The following KNDC1 variants were observed in gnomAD, a reference collection of about 807,000 sequenced individuals.
KNDC1 encodes the protein kinase non-catalytic C-lobe domain containing 1.
In KNDC1, 106 loss-of-function variants were observed where a neutral mutation model predicts 172.8. The observed-to-expected ratio is 0.61, with a 90% CI of 0.52 to 0.72. The LOEUF is 0.72. KNDC1 is among the 30% of genes least tolerant of loss of function. The pLI, the probability that KNDC1 is intolerant of heterozygous loss-of-function variation, is 0.00. For synonymous variants in KNDC1, 1,083 were observed against 1,062.2 expected (o/e 1.02, Z -0.38); for missense variants, 2,325 against 2,394.5 (o/e 0.97, Z 0.61).
chr10:133,199,741 T>A, intron 15 of KNDC1, 139 bp downstream of exon 15: 2 of 960,526 alleles, frequency 2.1e-6, no homozygotes, highest in African/African-American at 1.6e-5. Context: ...GGGGCTACCC[T>A]TGGTGGAGAT....
At chr10:133,201,400 G>A in intron 16 of KNDC1, 101 bp from the exon 17 acceptor site, 1 of 1,297,292 alleles carries the variant, frequency 7.7e-7, no homozygotes, top group Non-Finnish European at 1.1e-6. Context: ...AAGAGAGAAG[G>A]GCGTCGGGTG....
At position 133,209,865 on chromosome 10, in the gene KNDC1, G is replaced by A. The variant is rs955578252; in HGVS notation, c.3795-746G>A. ...TGGGAGGAGGCCTTGCCAGGCCTCC[G>A]CTTCCTGACCGTGGCCGTCGGGCTC... On this transcript the variant is annotated intron_variant, in intron 20 of 29. Coordinates refer to ENST00000304613, the MANE Select transcript of KNDC1 (RefSeq NM_152643.8). This position sits in a 1 kb window ranked among gnomAD's most constrained non-coding sequence, Gnocchi z 4.9. 6.6e-5 allele frequency among the ~76,000 whole-genome samples: 10 copies of A among 152,030 alleles called. No homozygotes were observed. The highest frequency in any genetic ancestry group is 2.1e-4 in the South Asian group (1 of 4,832).
chr10:133,195,413 A>G (rs1296886604), intron 9 of KNDC1, among the ~76,000 whole-genome samples: 1 of 152,064 alleles, frequency 6.6e-6, no homozygotes, highest in African/African-American at 2.4e-5. Context: ...GAGGCTTCCA[A>G]CCCTCTGGTG....
Position 133,198,823 on chromosome 10 carries a change from G to A in KNDC1, c.2315G>A (p.Gly772Glu), listed in dbSNP as rs1209827418. 1 of 1,599,830 alleles carries A rather than the reference G, an allele frequency of 6.3e-7. No individual in the cohort carries two copies. ...CAGGCCCCAGCAAACCAGCCAGAGGGGGCCTCATCGGCAGCTCCCGGCTCT... is the reference window on the plus strand; with the variant it reads ...CAGGCCCCAGCAAACCAGCCAGAGGAGGCCTCATCGGCAGCTCCCGGCTCT... Reference protein sequence around the residue: ...PPQAPANQPEGASSAAPGSPV... With the variant: ...PPQAPANQPEEASSAAPGSPV... Residue 772 changes from glycine to glutamate, a missense_variant, in exon 14 of 30, where the codon GGG (glycine) becomes GAG (glutamate). Physicochemically the swap from Gly to Glu is moderately conservative, Grantham distance 98. Transcript: ENST00000304613.
At chr10:133,170,940 A>G (rs1251526620) in intron 3 of KNDC1, among the ~76,000 whole-genome samples, 1 of 152,236 alleles carries the variant, frequency 6.6e-6, no homozygotes, top group Non-Finnish European at 1.5e-5. Context: ...TTACAGGAAG[A>G]GTTTAACCTC....
intron 10 of KNDC1, among the ~76,000 whole-genome samples, 182 bp downstream of exon 10, chr10:133,196,003 G>A (rs1388852077): frequency 2.6e-5 from 4 of 152,232 alleles, no homozygotes; most frequent in African/African-American, 7.2e-5. Flanking sequence ...AAGGGAGTGG[G>A]TTTCGCGTCA....
Position 133,197,596 on chromosome 10 carries a change from T to C in KNDC1, c.1813-79T>C. ...GAAGCTCCACGGCACCGGCGGGTGG[T>C]GGGGGACGCCCTGTGGGTGTTGCCG... is the stretch of plus-strand genomic sequence containing the variant. On this transcript the variant is annotated intron_variant, in intron 11 of 29. Coordinates refer to ENST00000304613, the MANE Select transcript of KNDC1 (RefSeq NM_152643.8). 3 of 1,060,480 alleles carry C rather than the reference T, an allele frequency of 2.8e-6. No individual in the cohort carries two copies. In the South Asian group the frequency reaches 3.9e-5, roughly 14 times the overall value. The allele number at this position is 1,060,480 out of a possible 1,614,324, so 65.7% of individuals were successfully genotyped here. A position where few individuals can be genotyped will look rare whatever the true frequency, so the allele number is the denominator to read the frequency against.
At chr10:133,185,507 G>T (rs1853872521) in intron 5 of KNDC1, among the ~76,000 whole-genome samples, 5 of 152,068 alleles carry the variant, frequency 3.3e-5, no homozygotes, top group Admixed American at 1.3e-4. Flanking sequence ...AGTGTGTGCA[G>T]TGTGAAGTAG....
At chr10:133,206,485 G>T (rs1278010335) in intron 17 of KNDC1, among the ~76,000 whole-genome samples, 200 bp from the exon 18 acceptor site, 2 of 151,680 alleles carry the variant, frequency 1.3e-5, no homozygotes, top group African/African-American at 4.8e-5. Flanking sequence ...GTGAGCCTGG[G>T]GGCAGCCCAG....
At chr10:133,185,000 C>T (rs926227745) in intron 5 of KNDC1, among the ~76,000 whole-genome samples, 11 of 152,274 alleles carry the variant, frequency 7.2e-5, no homozygotes, top group Non-Finnish European at 1.3e-4. Flanking sequence ...GAACAGAGGC[C>T]GTGTCTGCAT....
At position 133,219,048 on chromosome 10, in the gene KNDC1, T is replaced by C. The variant is rs146112133; in HGVS notation, c.4818T>C (p.Pro1606=). The change falls in exon 28 of 30, where the codon CCT becomes CCC. Residue 1606 remains proline, a synonymous_variant. Transcript: ENST00000304613. The stretch of plus-strand genomic sequence containing the variant: ...CATTTCAGGCCTGGAGAATTCTGCC[T>C]GCAAAGATAGCAGAGGTCATGGAGG... ...VRQSPAWRIL[P]AKIAEVMEEL... 26 of 1,614,048 alleles carry C rather than the reference T, an allele frequency of 1.6e-5. No homozygotes were observed. The African/African-American group carries it at 2.1e-4, about 13-fold the overall frequency.
Position 133,189,800 on chromosome 10 carries a change from TG to T in KNDC1, c.1564del (p.Val522Ter). On this transcript the variant is annotated frameshift_variant, in exon 9 of 30. Coordinates refer to ENST00000304613, the MANE Select transcript of KNDC1 (RefSeq NM_152643.8). LOFTEE classifies it high-confidence loss of function. ...FLAPELAEERLVTEKASVYCV... is the reference protein window; with the variant it reads ...FLAPELAEERXVTEKASVYCV... ...GCTCCCGAGCTGGCAGAGGAGAGGC[TG>T]GTAACTGAAAAGGTACCCGGGCCCT... is the stretch of plus-strand genomic sequence containing the variant. 6.2e-7 allele frequency: 1 copy of T among 1,613,788 alleles called. No individual in the cohort carries two copies. Among genetic ancestry groups the T allele is most frequent in the Non-Finnish European group, 8.5e-7 (1 of 1,179,940 alleles).
At chr10:133,181,442 G>A (rs1181207869) in intron 3 of KNDC1, among the ~76,000 whole-genome samples, 4 of 152,190 alleles carry the variant, frequency 2.6e-5, no homozygotes, top group Non-Finnish European at 2.9e-5. Flanking sequence ...GGCTGGGGCC[G>A]GTGCCAGGCG....
chr10:133,183,811 G>A lies in KNDC1; in HGVS notation c.508-61G>A, dbSNP rs1352522827. On this transcript the variant is annotated intron_variant, in intron 4 of 29. Transcript: ENST00000304613. ...TCAAAGGATCCGGCCGTGTCGGGTGGGTGGCTGCGGGAGATGGCCCCTCCT... is the reference window on the plus strand; with the variant it reads ...TCAAAGGATCCGGCCGTGTCGGGTGAGTGGCTGCGGGAGATGGCCCCTCCT... 23 of 1,314,928 alleles carry A rather than the reference G, an allele frequency of 1.7e-5. No individual in the cohort carries two copies. The East Asian group carries it at 5.0e-4, about 28-fold the overall frequency. The allele number at this position is 1,314,928 out of a possible 1,614,324, so 81.5% of individuals were successfully genotyped here.
Position 133,198,348 on chromosome 10 carries a change from G to C in KNDC1, c.1918G>C (p.Val640Leu). 1.3e-6 allele frequency: 2 copies of C among 1,582,416 alleles called. No homozygotes were observed. Among genetic ancestry groups the C allele is most frequent in the Admixed American group, 1.7e-5 (1 of 57,530 alleles). Reference protein sequence around the residue: ...APEPSPGFLPVNSDTGLVAVP... With the variant: ...APEPSPGFLPLNSDTGLVAVP... ...CCCTGGCTCCCCAGGCTTCCTGCCG[G>C]TGAACAGCGACACCGGGCTTGTGGC... Residue 640 changes from valine (V) to leucine (L), a missense_variant, in exon 13 of 30, where the codon GTG (valine) becomes CTG (leucine). Coordinates refer to ENST00000304613, the MANE Select transcript of KNDC1 (RefSeq NM_152643.8).
At chr10:133,170,721 G>A (rs1853350616) in intron 3 of KNDC1, among the ~76,000 whole-genome samples, 1 of 152,200 alleles carries the variant, frequency 6.6e-6, no homozygotes, top group Non-Finnish European at 1.5e-5. Context: ...AGTGAGAAGA[G>A]TGGCATTGGG....
chr10:133,201,285 CCTCT>C (rs1298056851), intron 16 of KNDC1, among the ~76,000 whole-genome samples: 1 of 152,198 alleles, frequency 6.6e-6, no homozygotes, highest in East Asian at 1.9e-4. Context: ...TGGGGAGAGG[CCTCT>C]CTCTGTCACC....
intron 1 of KNDC1, among the ~76,000 whole-genome samples, chr10:133,165,622 G>A (rs1317953379): frequency 1.3e-5 from 2 of 152,246 alleles, no homozygotes; most frequent in Non-Finnish European, 2.9e-5. Flanking sequence ...GGCATGTTGC[G>A]CTGTGTGCAT....
intron 26 of KNDC1, among the ~76,000 whole-genome samples, chr10:133,215,329 CACGG>C (rs1845450520): frequency 2.0e-5 from 3 of 152,246 alleles, no homozygotes; most frequent in Non-Finnish European, 4.4e-5. Flanking sequence ...AAGCCACCTC[CACGG>C]TGGACAGAGC....
Sources: allele counts gnomAD v4.1 joint callset (sites outside exome capture counted in the v4.1 genomes callset), GRCh38; gene constraint gnomAD v4.1.1; non-coding constraint Gnocchi (gnomAD v3.1); transcripts MANE v1.5; gene names NCBI Gene and HGNC (gene_info 2026-07-23, HGNC 2026-07-21).